The following RREB1 variants were observed in gnomAD, a reference collection of about 807,000 sequenced individuals.
RREB1 encodes ras-responsive element-binding protein 1.
RREB1 carries 27 observed loss-of-function variants against 117.8 expected under a neutral mutation model. That is an observed-to-expected ratio of 0.23 (90% confidence interval 0.17 to 0.32). The LOEUF is 0.32. Among genes scored for constraint, RREB1 ranks in the 10% least tolerant of loss-of-function variants. RREB1 has a pLI of 1.00. For missense variants in RREB1, 2,577 were observed against 2,378.2 expected (o/e 1.08, Z -1.74); for synonymous variants, 1,298 against 1,026.7 (o/e 1.26, Z -5.05).
At chr6:7,172,187 C>T (rs549444360) in intron 1 of RREB1, among the ~76,000 whole-genome samples, 1 of 152,216 alleles carries the variant, frequency 6.6e-6, no homozygotes, top group South Asian at 2.1e-4. Flanking sequence ...CTTAAGTGAT[C>T]TTCCCACTTG....
At chr6:7,179,457 T>C (rs1313159086) in intron 2 of RREB1, among the ~76,000 whole-genome samples, 1 of 152,204 alleles carries the variant, frequency 6.6e-6, no homozygotes, top group African/African-American at 2.4e-5. Context: ...AAACTCATAG[T>C]ATAAATTGGT....
Position 7,182,816 on chromosome 6 carries a change from G to A in RREB1, c.171+734G>A, listed in dbSNP as rs111938622. On this transcript the variant is annotated intron_variant, in intron 4 of 12. Coordinates refer to ENST00000379938, the MANE Select transcript of RREB1 (RefSeq NM_001003699.4). The stretch of plus-strand genomic sequence containing the variant: ...CCATGTAATACGAGTTGACTTCCTC[G>A]TGTTTAAAGTTTGGTTTAACTAATT... 3.9e-4 allele frequency among the ~76,000 whole-genome samples: 60 copies of A among 152,290 alleles called. 1 individual carries two copies. Among genetic ancestry groups the A allele is most frequent in the African/African-American group, 1.4e-3 (57 of 41,556 alleles).
intron 1 of RREB1, among the ~76,000 whole-genome samples, chr6:7,168,593 A>C (rs1349802602): frequency 6.6e-6 from 1 of 152,162 alleles, no homozygotes; most frequent in Non-Finnish European, 1.5e-5. Flanking sequence ...TGGTTTAAAG[A>C]ATCATGGAGC....
chr6:7,248,406 G>GC, intron 12 of RREB1, 105 bp from the exon 13 acceptor site: 4 of 954,406 alleles, frequency 4.2e-6, no homozygotes, highest in Non-Finnish European at 4.8e-6. Context: ...CGGAGTCCTG[G>GC]CCCCCCGCAC....
At chr6:7,228,534 T>G (rs1429885139) in intron 9 of RREB1, among the ~76,000 whole-genome samples, 1 of 147,982 alleles carries the variant, frequency 6.8e-6, no homozygotes, top group Non-Finnish European at 1.5e-5. Flanking sequence ...GGCAGAGTCT[T>G]GTTCTGTTGC....
chr6:7,131,027 C>T (rs968920371), intron 1 of RREB1, among the ~76,000 whole-genome samples: 6 of 149,952 alleles, frequency 4.0e-5, no homozygotes, highest in South Asian at 2.1e-4. Context: ...CAAGCTCCGC[C>T]TCTCGGGTTC....
intron 1 of RREB1, among the ~76,000 whole-genome samples, chr6:7,167,624 C>T (rs1413294065): frequency 6.6e-6 from 1 of 152,144 alleles, no homozygotes; most frequent in Non-Finnish European, 1.5e-5. Context: ...AGCCACCGCT[C>T]CCGGCCGGGG....
At chr6:7,118,864 G>T (rs1761536297) in intron 1 of RREB1, among the ~76,000 whole-genome samples, 2 of 124,864 alleles carry the variant, frequency 1.6e-5, no homozygotes, top group Admixed American at 2.1e-4. Flanking sequence ...AGCCAGGCTG[G>T]TCTCAAACTG....
At chr6:7,184,188 A>G (rs1235298512) in intron 4 of RREB1, among the ~76,000 whole-genome samples, 2 of 151,916 alleles carry the variant, frequency 1.3e-5, no homozygotes, top group African/African-American at 4.8e-5. Flanking sequence ...CATGTCCTAT[A>G]AAAAACAAAA....
chr6:7,159,010 C>G (rs1763520368), intron 1 of RREB1, among the ~76,000 whole-genome samples: 1 of 152,116 alleles, frequency 6.6e-6, no homozygotes, highest in Non-Finnish European at 1.5e-5. Context: ...TTCCCACTCC[C>G]CTGGTTGTGA....
In RREB1 at chr6:7,230,387, A is replaced by G. The variant is rs1432855495; in HGVS notation, c.2288A>G (p.Lys763Arg). The G allele has an allele frequency of 6.3e-7, 1 of 1,592,622 alleles. No homozygotes were observed. The highest frequency in any genetic ancestry group is 8.5e-7 in the Non-Finnish European group (1 of 1,174,436). Residue 763 changes from lysine to arginine, a missense_variant, in exon 10 of 13, where the codon AAG becomes AGG. Transcript: ENST00000379938. ...TGCCGGCTGTGCGGCGAGGACCTCA[A>G]GCACTATCGTGCCCTGCGCATCCAC... is the stretch of plus-strand genomic sequence containing the variant. The part of the protein sequence containing the change: ...TVCRLCGEDL[K>R]HYRALRIHMR...
intron 1 of RREB1, among the ~76,000 whole-genome samples, chr6:7,112,447 A>G (rs900455302): frequency 3.9e-5 from 6 of 152,006 alleles, no homozygotes; most frequent in African/African-American, 1.5e-4. Flanking sequence ...TGATAAATGT[A>G]TTTTCTTTCT....
chr6:7,108,372 G>T (rs1410235334), intron 1 of RREB1, among the ~76,000 whole-genome samples: 2 of 150,994 alleles, frequency 1.3e-5, no homozygotes, highest in African/African-American at 2.4e-5. Flanking sequence ...TTCCCGAGCC[G>T]CCGGCTCTGC....
At position 7,208,234 on chromosome 6, in the gene RREB1, G is replaced by C. The variant is rs550000479; in HGVS notation, c.426-2570G>C. Among the ~76,000 whole-genome samples the C allele has an allele frequency of 1.3e-3, 197 of 152,332 alleles. 4 individuals carry two copies. The highest frequency in any genetic ancestry group is 4.5e-3 in the African/African-American group (189 of 41,582). ...CACAGCTTGAGGGAAGGGGTCATTA[G>C]TGTCTCATCATGATGATCCTGGCTG... On this transcript the variant is annotated intron_variant, in intron 6 of 12. Coordinates refer to ENST00000379938, the MANE Select transcript of RREB1 (RefSeq NM_001003699.4).
chr6:7,141,573 ATTATT>A (rs1159143194), intron 1 of RREB1, among the ~76,000 whole-genome samples: 2 of 152,178 alleles, frequency 1.3e-5, no homozygotes, highest in Admixed American at 6.5e-5. Flanking sequence ...GCATTATGTA[ATTATT>A]TCCCCAAATA....
Position 7,247,199 on chromosome 6 carries a change from C to T in RREB1, c.4749C>T (p.Thr1583=). ...GGTTCTGGTCGCTGCAGGACCTGAC[C>T]CGGCACATGCGCTCCCACACAGGTA... The part of the protein sequence containing the change: ...NKRFWSLQDL[T]RHMRSHTGER... The change falls in exon 12 of 13, where the codon ACC becomes ACT. Residue 1583 remains threonine (T), a synonymous_variant. Coordinates refer to ENST00000379938, the MANE Select transcript of RREB1 (RefSeq NM_001003699.4). 6.2e-7 allele frequency: 1 copy of T among 1,613,350 alleles called. No individual in the cohort carries two copies. Among genetic ancestry groups the T allele is most frequent in the Non-Finnish European group, 8.5e-7 (1 of 1,179,794 alleles).
In RREB1 at chr6:7,249,173, G is replaced by T; in HGVS notation, c.*205G>T. On this transcript the variant is annotated 3_prime_UTR_variant, in exon 13 of 13. Transcript: ENST00000379938. ...CAGCCTGCGCGGGAGGCCACAGCCCGTGCCGATTCCAGTGCCTTAACTACT... is the reference window on the plus strand; with the variant it reads ...CAGCCTGCGCGGGAGGCCACAGCCCTTGCCGATTCCAGTGCCTTAACTACT... The T allele has an allele frequency of 2.0e-6, 1 of 512,138 alleles. No homozygotes were observed. Among genetic ancestry groups the T allele is most frequent in the South Asian group, 3.7e-5 (1 of 26,708 alleles). 31.7% of individuals were successfully genotyped at this position (512,138 alleles called of 1,614,324 possible). A position where few individuals can be genotyped will look rare whatever the true frequency, so the allele number is the denominator to read the frequency against.
At chr6:7,182,776 A>C (rs1764875542) in intron 4 of RREB1, among the ~76,000 whole-genome samples, 1 of 152,214 alleles carries the variant, frequency 6.6e-6, no homozygotes, top group Non-Finnish European at 1.5e-5. Context: ...AATACTTCTC[A>C]TTTCAACTCT....
chr6:7,109,280 G>A (rs898218166), intron 1 of RREB1, among the ~76,000 whole-genome samples: 5 of 151,482 alleles, frequency 3.3e-5, no homozygotes, highest in Admixed American at 6.5e-5. Flanking sequence ...TCCCGCACAA[G>A]CCTTGGGCCG....
Sources: allele counts gnomAD v4.1 joint callset (sites outside exome capture counted in the v4.1 genomes callset), GRCh38; gene constraint gnomAD v4.1.1; transcripts MANE v1.5; gene names NCBI Gene and HGNC (gene_info 2026-07-23, HGNC 2026-07-21).